The following GLYAT variants were observed in gnomAD, a reference collection of about 807,000 sequenced individuals.
The protein encoded by GLYAT is glycine N-acyltransferase.
Under a neutral mutation model 22.8 loss-of-function variants are expected in GLYAT, and 25 were observed. The ratio of observed to expected loss-of-function variants is 1.09; its 90% CI spans 0.80 to 1.53. The LOEUF is 1.53. Among genes scored for constraint, GLYAT ranks in the 40% most tolerant of loss-of-function variants. GLYAT has a pLI of 0.00. For synonymous variants in GLYAT, 140 were observed against 122.7 expected (o/e 1.14, Z -0.93); for missense variants, 411 against 353.9 (o/e 1.16, Z -1.29).
chr11:58,724,334 G>T (rs1856788305), intron 2 of GLYAT, 82 bp downstream of exon 2: 2 of 662,938 alleles, frequency 3.0e-6, no homozygotes. Context: ...CAAAATAGGT[G>T]CATCATAAAT....
intron 2 of GLYAT, among the ~76,000 whole-genome samples, chr11:58,716,999 TG>T (rs1419727804): frequency 6.6e-6 from 1 of 152,150 alleles, no homozygotes; most frequent in Non-Finnish European, 1.5e-5. Flanking sequence ...TGTGTTATTT[TG>T]AGTTTCTGAT....
intron 2 of GLYAT, among the ~76,000 whole-genome samples, chr11:58,722,104 T>C (rs544695991): frequency 6.6e-6 from 1 of 152,098 alleles, no homozygotes; most frequent in East Asian, 1.9e-4. Flanking sequence ...TTGACCAAAT[T>C]TGGGGAGATC....
At chr11:58,713,023 T>A in intron 3 of GLYAT, 137 bp from the exon 4 acceptor site, 1 of 561,592 alleles carries the variant, frequency 1.8e-6, no homozygotes. Flanking sequence ...TTTTTATTGA[T>A]ACATAATATT....
chr11:58,723,029 AG>A (rs1360600111), intron 2 of GLYAT, among the ~76,000 whole-genome samples: 2 of 151,990 alleles, frequency 1.3e-5, no homozygotes, highest in Non-Finnish European at 2.9e-5. Context: ...CTCACCATAG[AG>A]GGGTCCCAAG....
Position 58,731,433 on chromosome 11 carries a change from G to A in GLYAT, c.-16+402C>T, listed in dbSNP as rs116203569. 8.9e-3 allele frequency among the ~76,000 whole-genome samples: 1,355 copies of A among 152,224 alleles called. 21 individuals are homozygous for A. Among genetic ancestry groups the A allele is most frequent in the African/African-American group, 0.031 (1,286 of 41,538 alleles). On this transcript the variant is annotated intron_variant, in intron 1 of 5. Coordinates refer to ENST00000344743, the MANE Select transcript of GLYAT (RefSeq NM_201648.3). Reference sequence around the variant, plus strand: ...TAGTTGTCAGATATGTGTTTCTTAAGTGGAAGTTACTCCTTTTCCTTGAGC... The same window carrying A: ...TAGTTGTCAGATATGTGTTTCTTAAATGGAAGTTACTCCTTTTCCTTGAGC...
intron 1 of GLYAT, among the ~76,000 whole-genome samples, chr11:58,729,216 ACTTCAGTTCTGC>A (rs962930442): frequency 6.6e-6 from 1 of 152,030 alleles, no homozygotes; most frequent in African/African-American, 2.4e-5. Flanking sequence ...GAAATTTCCT[ACTTCAGTTCTGC>A]CTTCTAAATT....
chr11:58,715,293 A>T, intron 3 of GLYAT, 23 bp downstream of exon 3: 1 of 996,968 alleles, frequency 1.0e-6, no homozygotes, highest in Non-Finnish European at 1.6e-6. Context: ...AATATAGAAG[A>T]ATATTCACAC....
rs1230500811 is a variant in GLYAT, at chr11:58,709,215, C to G, written c.*551G>C. Reference sequence around the variant, plus strand: ...AGTTGATATTTCTTCTAGTAACATTCCCTGCTATATCATGTATACTGTATT... The same window carrying G: ...AGTTGATATTTCTTCTAGTAACATTGCCTGCTATATCATGTATACTGTATT... On this transcript the variant is annotated 3_prime_UTR_variant, in exon 6 of 6. Coordinates refer to ENST00000344743, the MANE Select transcript of GLYAT (RefSeq NM_201648.3). The G allele has an allele frequency of 6.6e-6, 1 of 152,128 alleles. No homozygotes were observed. The highest frequency in any genetic ancestry group is 6.6e-5 in the Admixed American group (1 of 15,266). The allele number at this position is 152,128 out of a possible 1,614,324, so 9.4% of individuals were successfully genotyped here.
At chr11:58,727,723 T>C (rs1304912196) in intron 1 of GLYAT, among the ~76,000 whole-genome samples, 1 of 152,120 alleles carries the variant, frequency 6.6e-6, no homozygotes, top group East Asian at 1.9e-4. Context: ...GCATGTGCAT[T>C]CAGAGACAAA....
rs764958005 is a variant in GLYAT at position 58,709,820 on chromosome 11, C to A, written c.837G>T (p.Leu279=). 8.7e-6 allele frequency: 14 copies of A among 1,613,612 alleles called. 1 individual carries two copies. The South Asian group carries it at 1.3e-4, about 15-fold the overall frequency. The change falls in exon 6 of 6, where the codon CTG becomes CTT. Residue 279 remains leucine (L), a synonymous_variant. Transcript: ENST00000344743. ...AGCTTCTGGGAATGGGAACATGTTG[C>A]AGTGTGTAACTCATTTTTTGCATAG... The part of the protein sequence containing the change: ...NEAMQKMSYT[L]QHVPIPRSWN...
chr11:58,731,681 TG>T (rs1423354692), intron 1 of GLYAT, among the ~76,000 whole-genome samples, 153 bp downstream of exon 1: 2 of 152,192 alleles, frequency 1.3e-5, no homozygotes, highest in Non-Finnish European at 2.9e-5. Flanking sequence ...ACTTATTTTT[TG>T]TCGTTGTTTT....
rs571989637 is a variant in GLYAT, at chr11:58,724,662, G to T, written c.-15-151C>A. Among the ~76,000 whole-genome samples the T allele has an allele frequency of 2.0e-5, 3 of 151,922 alleles. No individual in the cohort carries two copies. In the South Asian group the frequency reaches 6.2e-4, roughly 32 times the overall value. On this transcript the variant is annotated intron_variant, in intron 1 of 5. Transcript: ENST00000344743. Reference sequence around the variant, plus strand: ...GCAAATCCAAGAGAAAATGAGACTCGTAGAAAACACAAGGAGCTTTCTCTG... The same window carrying T: ...GCAAATCCAAGAGAAAATGAGACTCTTAGAAAACACAAGGAGCTTTCTCTG...
intron 1 of GLYAT, chr11:58,728,851 GAAGAAAGAAAGA>G (rs567844506): frequency 4.8e-4 from 44 of 90,728 alleles, no homozygotes; most frequent in African/African-American, 1.8e-3. Flanking sequence ...AGGAAAGAAA[GAAGAAAGAAAGA>G]AAGAAAGAAA....
Position 58,710,062 on chromosome 11 carries a change from G to C in GLYAT, c.595C>G (p.Arg199Gly). 6.2e-7 allele frequency: 1 copy of C among 1,613,916 alleles called. No individual in the cohort carries two copies. The highest frequency in any genetic ancestry group is 2.2e-5 in the East Asian group (1 of 44,876). The change falls in exon 6 of 6, where the codon CGC (arginine) becomes GGC (glycine). Residue 199 changes from arginine (R) to glycine (G), a missense_variant. Physicochemically the swap from Arg to Gly is moderately radical, Grantham distance 125. Transcript: ENST00000344743. Reference sequence around the variant, plus strand: ...CAGGTGGGAAAGGTCTGAATGCAGCGCTCAATGAATCTCTGGCTCCTCTCA... The same window carrying C: ...CAGGTGGGAAAGGTCTGAATGCAGCCCTCAATGAATCTCTGGCTCCTCTCA... ...GNERSQRFIE[R>G]CIQTFPTCCL...
intron 2 of GLYAT, 133 bp from the exon 3 acceptor site, chr11:58,715,556 T>G: frequency 3.3e-6 from 2 of 613,234 alleles, no homozygotes; most frequent in Middle Eastern, 6.1e-4. Context: ...ATGGAGAATC[T>G]AAGTCAAAGA....
chr11:58,728,900 A>G (rs1402633503), intron 1 of GLYAT, among the ~76,000 whole-genome samples: 17 of 106,708 alleles, frequency 1.6e-4, no homozygotes, highest in African/African-American at 6.0e-4. Context: ...GAAGGAAGGA[A>G]GGAAGGAAGG....
In GLYAT at chr11:58,724,433, G is replaced by A. The variant is rs1264468050; in HGVS notation, c.64C>T (p.Leu22Phe). 9 of 1,597,596 alleles carry A rather than the reference G, an allele frequency of 5.6e-6. No individual in the cohort carries two copies. The Admixed American group carries it at 1.2e-4, about 21-fold the overall frequency. The change falls in exon 2 of 6, where the codon CTC becomes TTC. Residue 22 changes from leucine to phenylalanine, a missense_variant. Leu to Phe is a conservative substitution (Grantham distance 22). Coordinates refer to ENST00000344743, the MANE Select transcript of GLYAT (RefSeq NM_201648.3). ...QMLEKSLRKS[L>F]PASLKVYGTV... ...ATTATCACCTTTAAGGATGCTGGGA[G>A]GCTCTTCCTCAAGGATTTCTCCAGC...
In GLYAT at chr11:58,710,767, C is replaced by T. The variant is rs200330036; in HGVS notation, c.317-6G>A. 4.9e-5 allele frequency: 75 copies of T among 1,529,542 alleles called. No individual in the cohort carries two copies. The highest frequency in any genetic ancestry group is 2.7e-4 in the East Asian group (12 of 44,414). The allele number at this position is 1,529,542 out of a possible 1,614,324, so 94.7% of individuals were successfully genotyped here. On this transcript the variant is annotated splice_polypyrimidine_tract_variant and splice_region_variant and intron_variant, in intron 4 of 5. Coordinates refer to ENST00000344743, the MANE Select transcript of GLYAT (RefSeq NM_201648.3). ...ATTCAGGCTAGGCTGTGAACCTAGA[C>T]GGTATAATAAACAGAGATGAAATGG...
intron 2 of GLYAT, among the ~76,000 whole-genome samples, chr11:58,720,247 A>T (rs146381997): frequency 2.8e-4 from 42 of 152,114 alleles, no homozygotes; most frequent in African/African-American, 9.9e-4. Context: ...ATATATTTTT[A>T]TGGGAAGATA....
Sources: gnomAD v4.1 joint callset for allele counts (sites outside exome capture counted in the v4.1 genomes callset) on GRCh38, gnomAD v4.1.1 for gene constraint, MANE v1.5 for transcripts, NCBI Gene and HGNC (gene_info 2026-07-23, HGNC 2026-07-21) for gene names.